TENM3: variants seen among roughly 807,000 people sequenced by gnomAD.
TENM3 encodes teneurin transmembrane protein 3, also known as teneurin-3.
Under a neutral mutation model 255.1 loss-of-function variants are expected in TENM3, and 63 were observed. The observed-to-expected ratio is 0.25, with a 90% CI of 0.20 to 0.30. The LOEUF (loss-of-function observed/expected upper bound fraction) is 0.30. TENM3 is among the 10% of genes least tolerant of loss of function. The pLI, the probability that TENM3 is intolerant of heterozygous loss-of-function variation, is 1.00. For missense variants in TENM3, 2,929 were observed against 3,461.1 expected (o/e 0.85, Z 3.86); for synonymous variants, 1,306 against 1,322.3 (o/e 0.99, Z 0.27).
the TENM3 span, among the ~76,000 whole-genome samples, chr4:181,548,080 A>G: frequency 6.6e-6 from 1 of 151,882 alleles, no homozygotes; most frequent in East Asian, 1.9e-4. Flanking sequence ...TCTCCTTGCA[A>G]TAGTTTGCTG....
At chr4:182,599,093 A>G (rs1238128486) in intron 3 of TENM3, among the ~76,000 whole-genome samples, 4 of 152,314 alleles carry the variant, frequency 2.6e-5, no homozygotes, top group African/African-American at 9.6e-5. Context: ...CTAGGCCCTC[A>G]TAACTATAGC....
chr4:182,222,232 G>A (rs1424696154), intron 1 of TENM3, among the ~76,000 whole-genome samples: 1 of 152,216 alleles, frequency 6.6e-6, no homozygotes, highest in Non-Finnish European at 1.5e-5. Flanking sequence ...TTTTTAGACT[G>A]TGGTGTAAAC....
rs761470074 is a variant in TENM3, at chr4:182,601,157, A to G, written c.745A>G (p.Ser249Gly). Residue 249 changes from serine to glycine, a missense_variant, in exon 4 of 28, where the codon AGC becomes GGC. Ser to Gly is a moderately conservative substitution (Grantham distance 56, BLOSUM62 0). Coordinates refer to ENST00000511685, the MANE Select transcript of TENM3 (RefSeq NM_001080477.4). ...WVLGSNVPLE[S>G]RHFLFKTGTG... The stretch of plus-strand genomic sequence containing the variant: ...CCTTGGCAGTAATGTACCACTGGAA[A>G]GCAGGTAACATCTAAAATTTCAAAA... 5.0e-6 allele frequency: 8 copies of G among 1,612,704 alleles called. No individual in the cohort carries two copies. The East Asian group carries it at 1.8e-4, about 36-fold the overall frequency.
the TENM3 span, among the ~76,000 whole-genome samples, chr4:181,799,542 T>G: frequency 1.6e-3 from 244 of 152,372 alleles, 1 homozygote; most frequent in African/African-American, 5.5e-3. Context: ...GATCATTTCT[T>G]ACAATTACTG....
At chr4:181,939,102 T>A in the TENM3 span, among the ~76,000 whole-genome samples, 1 of 152,308 alleles carries the variant, frequency 6.6e-6, no homozygotes, top group Admixed American at 6.5e-5. Context: ...AGATAATAAT[T>A]ATAACAGTAA....
Position 182,601,518 on chromosome 4 carries a change from G to C in TENM3, c.749+357G>C, listed in dbSNP as rs886637978. ...GCATGTAGTTTGATTCAGTGGACAT[G>C]TCTGGCATCTTCTTGGTTCTAGACC... On this transcript the variant is annotated intron_variant, in intron 4 of 27. Transcript: ENST00000511685. 3.3e-5 allele frequency among the ~76,000 whole-genome samples: 5 copies of C among 152,164 alleles called. 1 individual carries two copies. The highest frequency in any genetic ancestry group is 6.5e-5 in the Admixed American group (1 of 15,278).
the TENM3 span, among the ~76,000 whole-genome samples, chr4:181,546,196 A>C: frequency 6.6e-6 from 1 of 152,158 alleles, no homozygotes; most frequent in African/African-American, 2.4e-5. Context: ...AGCCCCTTTC[A>C]GGCCAGCTCC....
the TENM3 span, among the ~76,000 whole-genome samples, chr4:181,469,876 C>T: frequency 6.6e-6 from 1 of 151,884 alleles, no homozygotes; most frequent in Non-Finnish European, 1.5e-5. Context: ...ATTATAACCC[C>T]AGAGTCATTT....
rs887634167 is a variant in TENM3, at chr4:182,793,705, C to T, written c.7033C>T (p.Pro2345Ser). ...VIGFHGGLYD[P>S]LTKLIHFGER... The stretch of plus-strand genomic sequence containing the variant: ...TGGATTTCATGGTGGCCTGTATGAC[C>T]CACTCACCAAATTAATCCACTTTGG... Residue 2345 changes from proline (P) to serine (S), a missense_variant, in exon 26 of 28, where the codon CCA becomes TCA. Transcript: ENST00000511685. This position sits in a 1 kb window ranked among gnomAD's most constrained non-coding sequence, Gnocchi z 5.7. 6 of 1,613,778 alleles carry T rather than the reference C, an allele frequency of 3.7e-6. No homozygotes were observed. The African/African-American group carries it at 8.0e-5, about 22-fold the overall frequency.
At chr4:182,601,230 C>A in intron 4 of TENM3, 69 bp downstream of exon 4, 1 of 1,247,394 alleles carries the variant, frequency 8.0e-7, no homozygotes, top group Non-Finnish European at 1.2e-6. Flanking sequence ...ACTATACTTA[C>A]ATATTCTGGT....
At chr4:181,648,199 C>T in the TENM3 span, among the ~76,000 whole-genome samples, 26,993 of 152,028 alleles carry the variant, frequency 0.18, 2,776 homozygotes, top group Non-Finnish European at 0.23. Flanking sequence ...TTATTATGTC[C>T]GCACGCTGCT....
intron 3 of TENM3, among the ~76,000 whole-genome samples, chr4:182,452,770 G>T (rs1420167462): frequency 6.6e-6 from 1 of 152,106 alleles, no homozygotes; most frequent in Non-Finnish European, 1.5e-5. Flanking sequence ...AATTTATTAT[G>T]CTTAGATTTA....
chr4:181,734,240 A>G, the TENM3 span, among the ~76,000 whole-genome samples: 1 of 152,138 alleles, frequency 6.6e-6, no homozygotes, highest in South Asian at 2.1e-4. Context: ...TTGAGGTCTT[A>G]GGTAACACCT....
chr4:181,862,082 C>T, the TENM3 span, among the ~76,000 whole-genome samples: 139 of 152,144 alleles, frequency 9.1e-4, no homozygotes, highest in African/African-American at 3.2e-3. Flanking sequence ...ACGTTTAAGA[C>T]GTGTTTTGTA....
intron 1 of TENM3, among the ~76,000 whole-genome samples, chr4:182,157,042 A>T (rs1750753445): frequency 6.6e-6 from 1 of 152,214 alleles, no homozygotes; most frequent in South Asian, 2.1e-4. Flanking sequence ...GGTCTTTGAA[A>T]TGCCAGAGAA....
the TENM3 span, among the ~76,000 whole-genome samples, chr4:181,580,051 G>T: frequency 1.3e-5 from 2 of 151,494 alleles, no homozygotes; most frequent in Non-Finnish European, 2.9e-5. Context: ...AGGCTGGAGT[G>T]CAGTGGCGCG....
At chr4:182,698,777 A>G (rs762100054) in intron 12 of TENM3, among the ~76,000 whole-genome samples, 8 of 152,240 alleles carry the variant, frequency 5.3e-5, no homozygotes, top group Non-Finnish European at 7.3e-5. Context: ...GTCATCAGCT[A>G]GAGCTGCGTG....
chr4:182,283,918 C>T (rs769564946), intron 1 of TENM3, among the ~76,000 whole-genome samples: 23 of 152,222 alleles, frequency 1.5e-4, no homozygotes, highest in Non-Finnish European at 2.9e-4. Context: ...AACCCAGAGA[C>T]GTAGTCCAAA....
At chr4:181,770,237 T>A in the TENM3 span, among the ~76,000 whole-genome samples, 1 of 152,128 alleles carries the variant, frequency 6.6e-6, no homozygotes. Context: ...TATGAATAAA[T>A]AATTTACAGA....
Sources: gnomAD v4.1 joint callset for allele counts (sites outside exome capture counted in the v4.1 genomes callset) on GRCh38, gnomAD v4.1.1 for gene constraint, Gnocchi (gnomAD v3.1) non-coding constraint, MANE v1.5 for transcripts, NCBI Gene and HGNC (gene_info 2026-07-23, HGNC 2026-07-21) for gene names.